Variants in STAB2 observed in about 807,000 individuals in gnomAD.
The protein encoded by STAB2 is stabilin 2.
In STAB2, 288 loss-of-function variants were observed where a neutral mutation model predicts 338.1. The observed-to-expected ratio is 0.85, with a 90% CI of 0.77 to 0.94. STAB2 has a LOEUF of 0.94. STAB2 is among the 40% of genes least tolerant of loss of function. The pLI is 0.00. For synonymous variants in STAB2, 1,202 were observed against 1,193.3 expected, an observed-to-expected ratio of 1.01 and a Z score of -0.15; for missense variants, 3,141 against 3,210.1, an observed-to-expected ratio of 0.98 and a Z score of 0.52.
chr12:103,712,472 G>T (rs3763994), intron 41 of STAB2, 29 bp downstream of exon 41: 323 of 1,561,668 alleles, frequency 2.1e-4, no homozygotes, highest in East Asian at 7.4e-4. Context: ...TTGCTGGGGG[G>T]GCTGGCAAGG....
intron 60 of STAB2, among the ~76,000 whole-genome samples, chr12:103,751,769 C>CTA (rs1168226169): frequency 6.6e-6 from 1 of 152,176 alleles, no homozygotes; most frequent in African/African-American, 2.4e-5. Context: ...CTACCCAGAC[C>CTA]ATAGAGTGTG....
intron 1 of STAB2, 83 bp from the exon 2 acceptor site, chr12:103,590,814 C>A: frequency 6.5e-7 from 1 of 1,526,836 alleles, no homozygotes; most frequent in Non-Finnish European, 9.0e-7. Flanking sequence ...GGAGACATTC[C>A]AGTGGAGAAG....
At chr12:103,610,394 C>A in intron 3 of STAB2, among the ~76,000 whole-genome samples, 1 of 152,168 alleles carries the variant, frequency 6.6e-6, no homozygotes, top group African/African-American at 2.4e-5. Flanking sequence ...AAAGATTCAA[C>A]TTCTTCCTGG....
intron 2 of STAB2, 30 bp from the exon 3 acceptor site, chr12:103,594,365 T>C: frequency 6.5e-7 from 1 of 1,548,710 alleles, no homozygotes; most frequent in South Asian, 1.1e-5. Context: ...GCTCTTATCG[T>C]GGGTTAATGT....
At chr12:103,608,463 T>C (rs1957068998) in intron 3 of STAB2, among the ~76,000 whole-genome samples, 2 of 152,228 alleles carry the variant, frequency 1.3e-5, no homozygotes, top group Non-Finnish European at 2.9e-5. Flanking sequence ...TTTTTTCATG[T>C]GTCTTTTGGC....
At chr12:103,660,412 T>G (rs1195439608) in intron 16 of STAB2, 28 bp downstream of exon 16, 1 of 1,611,802 alleles carries the variant, frequency 6.2e-7, no homozygotes, top group African/African-American at 1.3e-5. Flanking sequence ...TGCTGCTACT[T>G]TCTCTCTGCT....
chr12:103,749,195 C>T (rs565424053), intron 59 of STAB2, 39 bp downstream of exon 59: 18 of 1,555,368 alleles, frequency 1.2e-5, no homozygotes, highest in Non-Finnish European at 1.6e-5. Context: ...GGAGCAGCGC[C>T]GTGGGCTTCG....
At chr12:103,761,276 T>TC in intron 65 of STAB2, 24 bp from the exon 66 acceptor site, 1 of 1,608,502 alleles carries the variant, frequency 6.2e-7, no homozygotes, top group Non-Finnish European at 8.5e-7. Context: ...GTAAAAGCCA[T>TC]CAACCCTCTT....
At chr12:103,673,846 T>C in intron 22 of STAB2, 61 bp from the exon 23 acceptor site, 1 of 1,552,030 alleles carries the variant, frequency 6.4e-7, no homozygotes, top group Non-Finnish European at 8.7e-7. Flanking sequence ...CAGGGTGCTC[T>C]GCCTCAGTGC....
chr12:103,596,888 G>T (rs73394006), intron 3 of STAB2, among the ~76,000 whole-genome samples: 5,436 of 145,006 alleles, frequency 0.037, 363 homozygotes, highest in African/African-American at 0.13. Context: ...GGGAGGCAGA[G>T]GTTGCAATGA....
At chr12:103,690,820 G>A (rs1198494016) in intron 30 of STAB2, among the ~76,000 whole-genome samples, 2 of 152,206 alleles carry the variant, frequency 1.3e-5, no homozygotes, top group Non-Finnish European at 2.9e-5. Flanking sequence ...AAAGGGTAAA[G>A]GATGTGCAAT....
At chr12:103,649,829 G>C (rs79472713) in intron 10 of STAB2, among the ~76,000 whole-genome samples, 49 of 152,146 alleles carry the variant, frequency 3.2e-4, no homozygotes, top group African/African-American at 8.0e-4. Context: ...GACCAGACAG[G>C]GGGGAGGTAG....
intron 6 of STAB2, among the ~76,000 whole-genome samples, chr12:103,633,351 G>A (rs1224186182): frequency 6.6e-6 from 1 of 152,194 alleles, no homozygotes; most frequent in African/African-American, 2.4e-5. Flanking sequence ...ACAAAAAATT[G>A]GATTCATGTA....
At chr12:103,612,620 C>T (rs1957142871) in intron 3 of STAB2, among the ~76,000 whole-genome samples, 1 of 152,166 alleles carries the variant, frequency 6.6e-6, no homozygotes, top group South Asian at 2.1e-4. Context: ...ACTTCTTTGC[C>T]ATGGGTTCAA....
intron 38 of STAB2, among the ~76,000 whole-genome samples, chr12:103,707,533 G>T (rs1258588240): frequency 6.6e-6 from 1 of 152,162 alleles, no homozygotes; most frequent in African/African-American, 2.4e-5. Context: ...CTTTACCTGA[G>T]GGTTGCTCTA....
chr12:103,732,432 G>C (rs1160234428), intron 50 of STAB2, among the ~76,000 whole-genome samples: 1 of 152,190 alleles, frequency 6.6e-6, no homozygotes, highest in Non-Finnish European at 1.5e-5. Context: ...ATCTTTCTGA[G>C]GCTCCCTCTT....
rs760033029 is a variant in STAB2 at position 103,690,509 on chromosome 12, A to C, written c.3268A>C (p.Asn1090His). 1 of 1,614,120 alleles carries C rather than the reference A, an allele frequency of 6.2e-7. No homozygotes were observed. The highest frequency in any genetic ancestry group is 8.5e-7 in the Non-Finnish European group (1 of 1,179,962). The change falls in exon 30 of 69, where the codon AAC becomes CAC. Residue 1090 changes from asparagine to histidine, a missense_variant. By Grantham distance (68) the Asn-to-His change is moderately conservative. Transcript: ENST00000388887. ...CATGTTGGCAACATCTTTGCAGGGC[A>C]ACTTCCTTCACTTGGCAAAGGTGGA... ...SDMLATSLQG[N>H]FLHLAKVDGN...
chr12:103,670,923 C>A (rs1256248903), intron 22 of STAB2, 116 bp downstream of exon 22: 8 of 743,594 alleles, frequency 1.1e-5, no homozygotes, highest in East Asian at 2.7e-5. Flanking sequence ...GTTACACCAT[C>A]ATCACAGAGC....
chr12:103,708,657 C>T lies in STAB2; in HGVS notation c.4288+121C>T, dbSNP rs148988090. ...ACTTCTTCTGGCAATAAACATGATTCTTTCTTGCAGCAAAAAGTTTGTAAA... is the reference window on the plus strand; with the variant it reads ...ACTTCTTCTGGCAATAAACATGATTTTTTCTTGCAGCAAAAAGTTTGTAAA... On this transcript the variant is annotated intron_variant, in intron 39 of 68. Transcript: ENST00000388887. The T allele has an allele frequency of 7.8e-5, 71 of 907,968 alleles. No individual in the cohort carries two copies. In the African/African-American group the frequency reaches 1.2e-3, roughly 15 times the overall value. 56.2% of individuals were successfully genotyped at this position (907,968 alleles called of 1,614,324 possible).
Sources: allele counts gnomAD v4.1 joint callset (sites outside exome capture counted in the v4.1 genomes callset), GRCh38; gene constraint gnomAD v4.1.1; transcripts MANE v1.5; gene names NCBI Gene and HGNC (gene_info 2026-07-23, HGNC 2026-07-21).